The following PDCD6 variants were observed in gnomAD, a reference collection of about 807,000 sequenced individuals.
PDCD6 encodes the protein programmed cell death 6, also known as programmed cell death protein 6.
PDCD6 carries 12 observed loss-of-function variants against 28.3 expected under a neutral mutation model. That is an observed-to-expected ratio of 0.42 (90% CI 0.27 to 0.69). PDCD6 has a LOEUF of 0.69. PDCD6 is among the 30% of genes least tolerant of loss of function. The probability of loss-of-function intolerance (pLI) is 0.22; values close to 1 mark genes in which losing one functional copy is unlikely to be tolerated. For synonymous variants in PDCD6, 92 were observed against 108.0 expected (o/e 0.85, Z 0.92); for missense variants, 226 against 269.9 (o/e 0.84, Z 1.14).
intron 2 of PDCD6, among the ~76,000 whole-genome samples, chr5:293,422 G>A (rs537764219): frequency 4.4e-5 from 4 of 90,802 alleles, no homozygotes; most frequent in Non-Finnish European, 5.2e-5. Flanking sequence ...TCAAGAAGAC[G>A]GGAACAGCAC....
rs560642997 is a variant in PDCD6 at position 311,470 on chromosome 5, C to G, written c.477+68C>G. 71 of 1,015,952 alleles carry G rather than the reference C, an allele frequency of 7.0e-5. 2 individuals carry two copies. The South Asian group carries it at 9.2e-4, about 13-fold the overall frequency. The allele number at this position is 1,015,952 out of a possible 1,614,324, so 62.9% of individuals were successfully genotyped here. On this transcript the variant is annotated intron_variant, in intron 5 of 5. Coordinates refer to ENST00000264933, the MANE Select transcript of PDCD6 (RefSeq NM_013232.4). ...GGGCTTGCTTGCCAGCGTGATGCACCTGACCTTCAATCTAAGGAGCTGGGC... is the reference window on the plus strand; with the variant it reads ...GGGCTTGCTTGCCAGCGTGATGCACGTGACCTTCAATCTAAGGAGCTGGGC...
intron 2 of PDCD6, among the ~76,000 whole-genome samples, chr5:297,682 C>T (rs543963830): frequency 5.9e-5 from 9 of 152,290 alleles, no homozygotes; most frequent in African/African-American, 1.7e-4. Context: ...CTCAGCCAAT[C>T]GCAAACGGCC....
chr5:311,239 C>A, intron 4 of PDCD6, 54 bp from the exon 5 acceptor site: 3 of 1,357,614 alleles, frequency 2.2e-6, no homozygotes, highest in Non-Finnish European at 3.2e-6. Context: ...TGAGTGTTGG[C>A]ACATACCTCC....
At position 311,405 on chromosome 5, in the gene PDCD6, G is replaced by T; in HGVS notation, c.477+3G>T. The T allele has an allele frequency of 6.2e-7, 1 of 1,604,168 alleles. No individual in the cohort carries two copies. Among genetic ancestry groups the T allele is most frequent in the South Asian group, 1.1e-5 (1 of 90,772 alleles). On this transcript the variant is annotated splice_donor_region_variant and intron_variant, in intron 5 of 5. Transcript: ENST00000264933. ...TCCAGGGCTGCATCGTCCTGCAGGT[G>T]ACGGAATGGCTTCACGTGGGTTTGT...
At chr5:290,437 G>A in intron 2 of PDCD6, 1 of 642,518 alleles carries the variant, frequency 1.6e-6, no homozygotes, top group Non-Finnish European at 2.8e-6. Context: ...CCCGCATGCA[G>A]GCCAAGTTGG....
rs1228939199 is a variant in PDCD6 at position 276,234 on chromosome 5, A to C, written c.163+3462A>C. 3 of 1,141,618 alleles carry C rather than the reference A, an allele frequency of 2.6e-6. No homozygotes were observed. The African/African-American group carries it at 4.9e-5, about 19-fold the overall frequency. The allele number at this position is 1,141,618 out of a possible 1,614,324, so 70.7% of individuals were successfully genotyped here. ...ACAGAGCGAAACCCCATCTCAAAAA[A>C]ACAAAGAAAGTGGATGCGCGCTGCT... On this transcript the variant is annotated intron_variant, in intron 2 of 5. Transcript: ENST00000264933.
chr5:310,069 A>T, intron 4 of PDCD6: 6 of 250,206 alleles, frequency 2.4e-5, no homozygotes, highest in South Asian at 2.2e-4. Context: ...CAGACAGGCA[A>T]TGTCCCTGTG....
At chr5:306,861 G>A in intron 4 of PDCD6, 101 bp downstream of exon 4, 1 of 1,248,250 alleles carries the variant, frequency 8.0e-7, no homozygotes, top group Non-Finnish European at 1.2e-6. Context: ...TGTCTAACCA[G>A]GCTACGTAAA....
At chr5:306,456 C>A in intron 3 of PDCD6, 146 bp from the exon 4 acceptor site, 1 of 694,604 alleles carries the variant, frequency 1.4e-6, no homozygotes, top group Non-Finnish European at 2.5e-6. Flanking sequence ...TCACCCCATT[C>A]ACAGACAGGC....
chr5:309,992 C>CCAT (rs1740797981), intron 4 of PDCD6: 1 of 226,224 alleles, frequency 4.4e-6, no homozygotes, highest in Non-Finnish European at 8.1e-6. Flanking sequence ...CCGCCGTGCC[C>CCAT]GTGCACCCCA....
intron 2 of PDCD6, among the ~76,000 whole-genome samples, chr5:274,390 AC>A (rs1738047277): frequency 2.0e-5 from 3 of 152,166 alleles, no homozygotes; most frequent in Admixed American, 1.3e-4. Flanking sequence ...TAGCCTGCCC[AC>A]CTTGGCAGGC....
chr5:306,268 A>C (rs1298712701), intron 3 of PDCD6: 1 of 259,962 alleles, frequency 3.8e-6, no homozygotes, highest in East Asian at 7.5e-5. Flanking sequence ...TCGGAAGCTG[A>C]GTGTGAAGCT....
At chr5:278,214 G>A (rs1376191381) in intron 2 of PDCD6, among the ~76,000 whole-genome samples, 1 of 152,102 alleles carries the variant, frequency 6.6e-6, no homozygotes, top group Admixed American at 6.5e-5. Context: ...GCTTTCTCTT[G>A]TAGGATATTT....
At chr5:279,578 T>A (rs1738433615) in intron 2 of PDCD6, among the ~76,000 whole-genome samples, 1 of 152,044 alleles carries the variant, frequency 6.6e-6, no homozygotes, top group Non-Finnish European at 1.5e-5. Context: ...GGGCGTGTCA[T>A]GTGCCTCATC....
At chr5:297,737 G>A (rs1040724789) in intron 2 of PDCD6, among the ~76,000 whole-genome samples, 2 of 152,174 alleles carry the variant, frequency 1.3e-5, no homozygotes, top group Admixed American at 1.3e-4. Context: ...CACACCCTGT[G>A]ATTTAATTGT....
chr5:292,992 C>T (rs1378436000), intron 2 of PDCD6, among the ~76,000 whole-genome samples: 1 of 152,222 alleles, frequency 6.6e-6, no homozygotes, highest in East Asian at 1.9e-4. Context: ...CCTGCTCTGC[C>T]TGGGCTTCTC....
chr5:307,138 C>T lies in PDCD6; in HGVS notation c.367+378C>T, dbSNP rs140817230. Among the ~76,000 whole-genome samples the T allele has an allele frequency of 9.5e-4, 145 of 152,330 alleles. No individual in the cohort carries two copies. The highest frequency in any genetic ancestry group is 1.8e-3 in the Non-Finnish European group (124 of 68,034). On this transcript the variant is annotated intron_variant, in intron 4 of 5. Transcript: ENST00000264933. The surrounding 1 kb of genome is among the most constrained non-coding windows in gnomAD (Gnocchi z 6.1). Reference sequence around the variant, plus strand: ...AAGCACGTTGAAAAGGCAACAGTCACCTAAGAAACAGCTGTCAGTCACCAG... The same window carrying T: ...AAGCACGTTGAAAAGGCAACAGTCATCTAAGAAACAGCTGTCAGTCACCAG...
At chr5:299,746 T>A (rs776465252) in intron 2 of PDCD6, among the ~76,000 whole-genome samples, 1 of 152,182 alleles carries the variant, frequency 6.6e-6, no homozygotes, top group African/African-American at 2.4e-5. Context: ...AGATGGGGTT[T>A]CACCATATTA....
In PDCD6 at chr5:305,072, A is replaced by T. The variant is rs573444930; in HGVS notation, c.208+851A>T. The T allele has an allele frequency of 2.6e-5, 4 of 152,582 alleles. No homozygotes were observed. In the East Asian group the frequency reaches 7.7e-4, roughly 29 times the overall value. The allele number at this position is 152,582 out of a possible 1,614,324, so 9.5% of individuals were successfully genotyped here. A position where few individuals can be genotyped will look rare whatever the true frequency, so the allele number is the denominator to read the frequency against. ...TGCTGTGTCTCCATCCCCCGTAGCC[A>T]GGTGGGAGCTGCAGCTCCAGGGGCA... On this transcript the variant is annotated intron_variant, in intron 3 of 5. Transcript: ENST00000264933. This position sits in a 1 kb window ranked among gnomAD's most constrained non-coding sequence, Gnocchi z 4.0.
Sources: gnomAD v4.1 joint callset for allele counts (sites outside exome capture counted in the v4.1 genomes callset) on GRCh38, gnomAD v4.1.1 for gene constraint, Gnocchi (gnomAD v3.1) non-coding constraint, MANE v1.5 for transcripts, NCBI Gene and HGNC (gene_info 2026-07-23, HGNC 2026-07-21) for gene names.